CAMSAP2: variants seen among roughly 807,000 people sequenced by gnomAD.
CAMSAP2 encodes the protein calmodulin-regulated spectrin-associated protein 2.
CAMSAP2 carries 26 observed loss-of-function variants against 146.1 expected under a neutral mutation model. The observed-to-expected ratio is 0.18, with a 90% CI of 0.13 to 0.25. CAMSAP2 has a LOEUF of 0.25. Among genes scored for constraint, CAMSAP2 ranks in the 10% least tolerant of loss-of-function variants. The pLI, the probability that CAMSAP2 is intolerant of heterozygous loss-of-function variation, is 1.00. For missense variants in CAMSAP2, 1,381 were observed against 1,759.3 expected (o/e 0.78, Z 3.85); for synonymous variants, 499 against 596.6 (o/e 0.84, Z 2.38).
chr1:200,834,194 G>A (rs533006621), intron 6 of CAMSAP2, among the ~76,000 whole-genome samples: 67 of 152,056 alleles, frequency 4.4e-4, no homozygotes, highest in Non-Finnish European at 6.5e-4. Flanking sequence ...GAAACCTCAC[G>A]TTTACTAAAA....
In CAMSAP2 at chr1:200,786,148, A is replaced by G. The variant is rs551987852; in HGVS notation, c.400-21228A>G. ...TTTACTTTCCTGGTGTTATTAATAT[A>G]TATGGAGGTTTATCAATTCTGTTAA... On this transcript the variant is annotated intron_variant, in intron 2 of 16. Coordinates refer to ENST00000358823, the MANE Select transcript of CAMSAP2 (RefSeq NM_203459.4). Among the ~76,000 whole-genome samples the G allele has an allele frequency of 2.0e-5, 3 of 152,264 alleles. No individual in the cohort carries two copies. In the South Asian group the frequency reaches 6.2e-4, roughly 32 times the overall value.
chr1:200,741,063 T>C (rs1664157909), intron 1 of CAMSAP2, among the ~76,000 whole-genome samples: 1 of 152,194 alleles, frequency 6.6e-6, no homozygotes. Context: ...TTTTGGTAAA[T>C]GGTTTAGTTC....
intron 14 of CAMSAP2, among the ~76,000 whole-genome samples, 163 bp from the exon 15 acceptor site, chr1:200,855,847 G>A (rs1188484407): frequency 6.6e-6 from 1 of 151,928 alleles, no homozygotes. Flanking sequence ...TACCTGCCTC[G>A]GCCTCCCAAA....
In CAMSAP2 at chr1:200,848,736, A is replaced by G. The variant is rs767074330; in HGVS notation, c.1967A>G (p.Asn656Ser). 5.0e-6 allele frequency: 8 copies of G among 1,614,048 alleles called. No homozygotes were observed. The East Asian group carries it at 1.6e-4, about 31-fold the overall frequency. Residue 656 changes from asparagine (N) to serine (S), a missense_variant, in exon 11 of 17, where the codon AAC becomes AGC. Asn to Ser is a conservative substitution (Grantham distance 46). This residue lies in a region of CAMSAP2 where 447 missense variants were observed against 462.2 expected (regional missense o/e 0.97). Coordinates refer to ENST00000358823, the MANE Select transcript of CAMSAP2 (RefSeq NM_203459.4). The part of the protein sequence containing the change: ...FLQDYDIRTG[N>S]TREALSPCPS... The stretch of plus-strand genomic sequence containing the variant: ...CAGGATTATGATATTCGAACTGGCA[A>G]CACCAGGGAAGCTTTGAGTCCTTGT...
At chr1:200,835,264 G>A (rs997656392) in intron 6 of CAMSAP2, among the ~76,000 whole-genome samples, 3 of 152,180 alleles carry the variant, frequency 2.0e-5, no homozygotes, top group African/African-American at 7.2e-5. Flanking sequence ...AAGTTATTAA[G>A]ATGAAAAGAA....
intron 6 of CAMSAP2, among the ~76,000 whole-genome samples, chr1:200,840,441 T>TA (rs886309428): frequency 1.5e-4 from 23 of 152,202 alleles, no homozygotes; most frequent in African/African-American, 4.3e-4. Flanking sequence ...AGCTAATTTT[T>TA]AAAATTTTTA....
chr1:200,813,722 A>G (rs944990892), intron 3 of CAMSAP2, among the ~76,000 whole-genome samples: 1 of 152,224 alleles, frequency 6.6e-6, no homozygotes, highest in African/African-American at 2.4e-5. Context: ...AGTGGGGAAA[A>G]AAATAAAAAC....
chr1:200,842,986 G>GAAAAAAAAAAAAAAAAAAAAAAAA, intron 7 of CAMSAP2, among the ~76,000 whole-genome samples: 1 of 108,028 alleles, frequency 9.3e-6, no homozygotes, highest in Non-Finnish European at 2.0e-5. Context: ...AAAAAAAAAA[G>GAAAAAAAAAAAAAAAAAAAAAAAA]AAAAAAAAAA....
chr1:200,778,131 A>G lies in CAMSAP2; in HGVS notation c.399+17033A>G, dbSNP rs188962678. 2.0e-3 allele frequency among the ~76,000 whole-genome samples: 309 copies of G among 152,304 alleles called. 1 individual carries two copies. The highest frequency in any genetic ancestry group is 7.2e-3 in the African/African-American group (300 of 41,564). Reference sequence around the variant, plus strand: ...TATAGAATCTTTTTATACAGAATCAACTCCACAAAGAGGGGGCCATAATTG... The same window carrying G: ...TATAGAATCTTTTTATACAGAATCAGCTCCACAAAGAGGGGGCCATAATTG... On this transcript the variant is annotated intron_variant, in intron 2 of 16. Transcript: ENST00000358823.
chr1:200,804,568 G>A (rs918263102), intron 2 of CAMSAP2, among the ~76,000 whole-genome samples: 2 of 152,092 alleles, frequency 1.3e-5, no homozygotes, highest in Non-Finnish European at 1.5e-5. Context: ...ATCCAAAAAT[G>A]CCATGCTTTT....
At chr1:200,831,208 A>AT (rs1411675734) in intron 4 of CAMSAP2, among the ~76,000 whole-genome samples, 1 of 152,214 alleles carries the variant, frequency 6.6e-6, no homozygotes, top group African/African-American at 2.4e-5. Flanking sequence ...AATCTTCAGC[A>AT]TTATTTTACT....
intron 4 of CAMSAP2, among the ~76,000 whole-genome samples, chr1:200,826,919 C>T (rs1350002975): frequency 6.6e-6 from 1 of 152,082 alleles, no homozygotes. Context: ...TGGTTATTTA[C>T]ATCTTAAAAC....
intron 2 of CAMSAP2, among the ~76,000 whole-genome samples, chr1:200,769,364 A>G (rs550891130): frequency 2.0e-5 from 3 of 152,336 alleles, no homozygotes; most frequent in South Asian, 2.1e-4. Flanking sequence ...TTCTTCTTAG[A>G]AAAAGAGTTG....
intron 2 of CAMSAP2, among the ~76,000 whole-genome samples, chr1:200,786,039 T>TA: frequency 6.6e-6 from 1 of 152,336 alleles, no homozygotes; most frequent in African/African-American, 2.4e-5. Flanking sequence ...TTCATCTAAA[T>TA]ATGTCAATTT....
At chr1:200,813,918 G>T (rs183356838) in intron 3 of CAMSAP2, among the ~76,000 whole-genome samples, 15 of 151,746 alleles carry the variant, frequency 9.9e-5, no homozygotes, top group African/African-American at 3.4e-4. Flanking sequence ...GGGAAACAAG[G>T]TGAAACTTGT....
intron 4 of CAMSAP2, among the ~76,000 whole-genome samples, chr1:200,829,186 G>A (rs972608518): frequency 6.6e-6 from 1 of 152,032 alleles, no homozygotes; most frequent in African/African-American, 2.4e-5. Context: ...ATCTTACTAT[G>A]TAGCTTCTCA....
At position 200,852,609 on chromosome 1, in the gene CAMSAP2, G is replaced by A. The variant is rs1276699977; in HGVS notation, c.3534G>A (p.Arg1178=). The part of the protein sequence containing the change: ...RAALLEKRLR[R]EKETQLRKQQ... ...CTTTGTTGGAGAAAAGATTAAGAAG[G>A]GAAAAGGAAACTCAGCTCCGGAAAC... is the stretch of plus-strand genomic sequence containing the variant. Residue 1178 remains arginine (R), a synonymous_variant, in exon 12 of 17, where the codon AGG becomes AGA. Coordinates refer to ENST00000358823, the MANE Select transcript of CAMSAP2 (RefSeq NM_203459.4). The A allele has an allele frequency of 6.2e-7, 1 of 1,613,796 alleles. No homozygotes were observed. The highest frequency in any genetic ancestry group is 1.7e-5 in the Admixed American group (1 of 59,968).
chr1:200,853,298 A>G lies in CAMSAP2; in HGVS notation c.3626A>G (p.Gln1209Arg). The G allele has an allele frequency of 6.2e-7, 1 of 1,613,424 alleles. No homozygotes were observed. The highest frequency in any genetic ancestry group is 8.5e-7 in the Non-Finnish European group (1 of 1,179,898). Residue 1209 changes from glutamine to arginine, a missense_variant, in exon 13 of 17, where the codon CAG becomes CGG. Coordinates refer to ENST00000358823, the MANE Select transcript of CAMSAP2 (RefSeq NM_203459.4). The surrounding 1 kb of genome is among the most constrained non-coding windows in gnomAD (Gnocchi z 5.1). Reference sequence around the variant, plus strand: ...AGGCGTAAAACTGAGGAAGAACGTCAGAAGAAAGAAGATGAGAGAGCACGC... The same window carrying G: ...AGGCGTAAAACTGAGGAAGAACGTCGGAAGAAAGAAGATGAGAGAGCACGC... ...ETRRKTEEER[Q>R]KKEDERARRE...
chr1:200,769,391 A>G (rs895265744), intron 2 of CAMSAP2, among the ~76,000 whole-genome samples: 1 of 152,162 alleles, frequency 6.6e-6, no homozygotes, highest in African/African-American at 2.4e-5. Context: ...GTTTTTCCCA[A>G]CACACCAAGC....
Sources: allele counts gnomAD v4.1 joint callset (sites outside exome capture counted in the v4.1 genomes callset), GRCh38; gene constraint gnomAD v4.1.1; regional missense constraint gnomAD v4.1.1; non-coding constraint Gnocchi (gnomAD v3.1); transcripts MANE v1.5; gene names NCBI Gene and HGNC (gene_info 2026-07-23, HGNC 2026-07-21).